Variants in GARNL3 observed in about 807,000 individuals in gnomAD.
GARNL3 encodes GTPase-activating Rap/Ran-GAP domain-like protein 3.
Under a neutral mutation model 125.0 loss-of-function variants are expected in GARNL3, and 63 were observed. The ratio of observed to expected loss-of-function variants is 0.50; its 90% CI spans 0.41 to 0.62. The LOEUF (loss-of-function observed/expected upper bound fraction) is 0.62. GARNL3 is among the 20% of genes least tolerant of loss of function. The pLI is 0.00. For synonymous variants in GARNL3, 439 were observed against 457.5 expected (o/e 0.96, Z 0.52); for missense variants, 994 against 1,244.0 (o/e 0.80, Z 3.02).
intron 2 of GARNL3, among the ~76,000 whole-genome samples, chr9:127,249,275 G>A (rs1414630886): frequency 6.6e-6 from 1 of 152,148 alleles, no homozygotes; most frequent in African/African-American, 2.4e-5. Flanking sequence ...GTATTCTCAT[G>A]TGCAAAATGG....
At position 127,242,986 on chromosome 9, in the gene GARNL3, G is replaced by A. The variant is rs1022984293; in HGVS notation, c.-28-93G>A. ...GTCACCCTCCTCCTTGCTTACCAGC[G>A]GGGCTGCCTTTGGGAGGAGGGTAAA... On this transcript the variant is annotated intron_variant, in intron 1 of 10. Transcript: ENST00000439286. The surrounding 1 kb of genome is among the most constrained non-coding windows in gnomAD (Gnocchi z 4.6). 2.5e-5 allele frequency: 28 copies of A among 1,111,686 alleles called. No individual in the cohort carries two copies. The East Asian group carries it at 6.5e-4, about 26-fold the overall frequency. 68.9% of individuals were successfully genotyped at this position (1,111,686 alleles called of 1,614,324 possible). A position where few individuals can be genotyped will look rare whatever the true frequency, so the allele number is the denominator to read the frequency against.
At chr9:127,230,682 A>G (rs1049962056) in intron 1 of GARNL3, among the ~76,000 whole-genome samples, 1 of 151,024 alleles carries the variant, frequency 6.6e-6, no homozygotes. Context: ...AGACGTTTAC[A>G]TAAAAATTCT....
chr9:127,266,578 A>C lies in GARNL3; in HGVS notation c.144+1557A>C, dbSNP rs57274173. ...TCTTGTTTCATCATTCACTAATTGT[A>C]TGATCTTGGACTTCCTTTAGCATCA... On this transcript the variant is annotated intron_variant, in intron 1 of 27. Transcript: ENST00000373387. The surrounding 1 kb of genome is among the most constrained non-coding windows in gnomAD (Gnocchi z 4.0). Among the ~76,000 whole-genome samples, 863 of 152,328 alleles carry C rather than the reference A, an allele frequency of 5.7e-3. 23 individuals carry two copies. The East Asian group carries it at 0.086, about 15-fold the overall frequency.
intron 14 of GARNL3, among the ~76,000 whole-genome samples, chr9:127,343,963 A>C (rs1450223819): frequency 6.6e-6 from 1 of 151,988 alleles, no homozygotes; most frequent in East Asian, 1.9e-4. Flanking sequence ...TCACACTGTT[A>C]GTAAGTTAGT....
At chr9:127,225,993 C>T (rs1257247096) in intron 1 of GARNL3, among the ~76,000 whole-genome samples, 1 of 152,218 alleles carries the variant, frequency 6.6e-6, no homozygotes, top group East Asian at 1.9e-4. Flanking sequence ...AACGGATTCT[C>T]CTGCTTCGAC....
intron 1 of GARNL3, among the ~76,000 whole-genome samples, chr9:127,282,953 T>G (rs2064142842): frequency 6.6e-6 from 1 of 152,258 alleles, no homozygotes; most frequent in South Asian, 2.1e-4. Flanking sequence ...TTATGCTTTC[T>G]ATTTAAAAAA....
chr9:127,387,594 T>C (rs1832610796), intron 25 of GARNL3, among the ~76,000 whole-genome samples: 1 of 151,484 alleles, frequency 6.6e-6, no homozygotes, highest in African/African-American at 2.4e-5. Flanking sequence ...AATACAAAAA[T>C]TAGCCGGGTG....
At chr9:127,289,280 C>T (rs1054119136) in intron 1 of GARNL3, among the ~76,000 whole-genome samples, 1 of 152,224 alleles carries the variant, frequency 6.6e-6, no homozygotes, top group South Asian at 2.1e-4. Flanking sequence ...GTCCCCAAGA[C>T]CACTCTCAGG....
upstream of GARNL3, among the ~76,000 whole-genome samples, chr9:127,262,018 C>T (rs1302785445): frequency 2.0e-5 from 3 of 152,152 alleles, no homozygotes; most frequent in East Asian, 5.8e-4. Flanking sequence ...AGTACATGGT[C>T]CACCTTCTGA....
At chr9:127,346,976 G>T (rs1158053908) in intron 16 of GARNL3, among the ~76,000 whole-genome samples, 1 of 152,210 alleles carries the variant, frequency 6.6e-6, no homozygotes, top group Non-Finnish European at 1.5e-5. Context: ...CAGGGCAATG[G>T]CAAACACTGT....
intron 4 of GARNL3, 22 bp from the exon 5 acceptor site, chr9:127,318,041 T>C (rs1170417843): frequency 6.6e-7 from 1 of 1,505,004 alleles, no homozygotes; most frequent in East Asian, 2.3e-5. Flanking sequence ...TTGTCACTGA[T>C]TTGATGTTTG....
rs533389848 is a variant in GARNL3 at position 127,333,915 on chromosome 9, CAG to C, written c.769+795_769+796del. On this transcript the variant is annotated intron_variant, in intron 9 of 27. Transcript: ENST00000373387. ...GATTAGATCTGTACCTTTGAGCAGACAGGGGAGGCAGAGGAGAAGCCTGCTCT... is the reference window on the plus strand; with the variant it reads ...GATTAGATCTGTACCTTTGAGCAGACGGGAGGCAGAGGAGAAGCCTGCTCT... Among the ~76,000 whole-genome samples, 326 of 152,154 alleles carry C rather than the reference CAG, an allele frequency of 2.1e-3. 1 individual carries two copies. The highest frequency in any genetic ancestry group is 3.5e-3 in the Non-Finnish European group (235 of 68,000).
Position 127,355,401 on chromosome 9 carries a change from A to C in GARNL3, c.1864A>C (p.Ser622Arg). The change falls in exon 20 of 28, where the codon AGC becomes CGC. Residue 622 changes from serine to arginine, a missense_variant. Coordinates refer to ENST00000373387, the MANE Select transcript of GARNL3 (RefSeq NM_032293.5). ...LLITRKHNKP[S>R]GVTSTSLLSP... is the part of the protein sequence containing the mutation. The stretch of plus-strand genomic sequence containing the variant: ...GATCACAAGAAAACACAACAAGCCA[A>C]GCGGGGTCACCAGCACCTCATTGTT... 1 of 1,614,220 alleles carries C rather than the reference A, an allele frequency of 6.2e-7. No homozygotes were observed. The highest frequency in any genetic ancestry group is 1.1e-5 in the South Asian group (1 of 91,090).
At chr9:127,369,205 C>G (rs1174088938) in intron 22 of GARNL3, 3 of 151,620 alleles carry the variant, frequency 2.0e-5, no homozygotes, top group Non-Finnish European at 4.4e-5. Flanking sequence ...AAGGAAGACT[C>G]TGCAGTTTGG....
intron 22 of GARNL3, among the ~76,000 whole-genome samples, chr9:127,379,528 G>A (rs1028072624): frequency 5.3e-5 from 8 of 152,184 alleles, no homozygotes; most frequent in African/African-American, 1.7e-4. Context: ...GAAGAAGTTG[G>A]CAGGATGTGA....
At position 127,336,185 on chromosome 9, in the gene GARNL3, G is replaced by A; in HGVS notation, c.931G>A (p.Glu311Lys). ...DIVTIVFQEG[E>K]ESSPAFKPSM... Reference sequence around the variant, plus strand: ...CGTCACCATTGTGTTCCAAGAAGGAGAGGAATCTTCTCCTGCCTTTAAGCC... The same window carrying A: ...CGTCACCATTGTGTTCCAAGAAGGAAAGGAATCTTCTCCTGCCTTTAAGCC... Residue 311 changes from glutamate (E) to lysine (K), a missense_variant, in exon 11 of 28, where the codon GAG becomes AAG. Physicochemically the swap from Glu to Lys is moderately conservative, Grantham distance 56. Transcript: ENST00000373387. The A allele has an allele frequency of 2.5e-6, 4 of 1,614,096 alleles. No individual in the cohort carries two copies. The highest frequency in any genetic ancestry group is 2.7e-5 in the African/African-American group (2 of 75,030).
At position 127,354,405 on chromosome 9, in the gene GARNL3, C is replaced by T; in HGVS notation, c.1754C>T (p.Thr585Ile). ...SDCRENKLEKTKGCHLYAINT... is the reference protein window; with the variant it reads ...SDCRENKLEKIKGCHLYAINT... ...TGCAGAGAAAACAAGTTGGAGAAAA[C>T]AAAAGGTGACTTGATAGATTGGTAG... The change falls in exon 19 of 28, where the codon ACA becomes ATA. Residue 585 changes from threonine to isoleucine, a missense_variant. Thr to Ile is a moderately conservative substitution (Grantham distance 89). Around this residue, in one of 5 missense-constraint regions of GARNL3, gnomAD observed 728 missense variants for 865.7 expected, o/e 0.84. Coordinates refer to ENST00000373387, the MANE Select transcript of GARNL3 (RefSeq NM_032293.5). 6.3e-7 allele frequency: 1 copy of T among 1,588,530 alleles called. No homozygotes were observed. Among genetic ancestry groups the T allele is most frequent in the Non-Finnish European group, 8.6e-7 (1 of 1,158,806 alleles).
chr9:127,312,057 G>T (rs1434997215), intron 3 of GARNL3, among the ~76,000 whole-genome samples: 1 of 152,268 alleles, frequency 6.6e-6, no homozygotes, highest in African/African-American at 2.4e-5. Context: ...ACCTAACAAG[G>T]CAATTGCCCT....
At chr9:127,238,013 A>G (rs1421028704) in intron 1 of GARNL3, among the ~76,000 whole-genome samples, 1 of 152,184 alleles carries the variant, frequency 6.6e-6, no homozygotes, top group African/African-American at 2.4e-5. Flanking sequence ...CAGGTTTCCC[A>G]TCCGCCTGAC....
Sources: allele counts gnomAD v4.1 joint callset (sites outside exome capture counted in the v4.1 genomes callset), GRCh38; gene constraint gnomAD v4.1.1; regional missense constraint gnomAD v4.1.1; non-coding constraint Gnocchi (gnomAD v3.1); transcripts MANE v1.5; gene names NCBI Gene and HGNC (gene_info 2026-07-23, HGNC 2026-07-21).